EPHA5: variants seen among roughly 807,000 people sequenced by gnomAD.
EPHA5 encodes EPH receptor A5.
EPHA5 carries 60 observed loss-of-function variants against 105.0 expected under a neutral mutation model. The ratio of observed to expected loss-of-function variants is 0.57; its 90% CI spans 0.46 to 0.71. The LOEUF is 0.71. Among genes scored for constraint, EPHA5 ranks in the 30% least tolerant of loss-of-function variants. The probability of loss-of-function intolerance (pLI) is 0.00; values close to 1 mark genes in which losing one functional copy is unlikely to be tolerated. For synonymous variants in EPHA5, 513 were observed against 449.1 expected, an observed-to-expected ratio of 1.14 and a Z score of -1.80; for missense variants, 1,218 against 1,274.7, an observed-to-expected ratio of 0.96 and a Z score of 0.68.
rs1227195419 is a variant in EPHA5, at chr4:65,493,205, A to C, written c.1066+2183T>G. Among the ~76,000 whole-genome samples the C allele has an allele frequency of 4.6e-5, 7 of 152,146 alleles. No individual in the cohort carries two copies. The East Asian group carries it at 1.3e-3, about 29-fold the overall frequency. On this transcript the variant is annotated intron_variant, in intron 4 of 16. Coordinates refer to ENST00000613740, the MANE Select transcript of EPHA5 (RefSeq NM_001281766.3). ...AAAGTGGAAGCTCGAACTAACACGCACCTACAAAAAACATATAATAAAATT... is the reference window on the plus strand; with the variant it reads ...AAAGTGGAAGCTCGAACTAACACGCCCCTACAAAAAACATATAATAAAATT...
At chr4:65,629,324 G>T (rs1488226799) in intron 2 of EPHA5, among the ~76,000 whole-genome samples, 2 of 152,144 alleles carry the variant, frequency 1.3e-5, no homozygotes, top group African/African-American at 2.4e-5. Context: ...GATGTTATTA[G>T]TTTTTTGCCT....
chr4:65,476,125 A>AGTGTGTGTGTGTGTGT (rs1472563369), intron 5 of EPHA5, among the ~76,000 whole-genome samples: 7 of 132,340 alleles, frequency 5.3e-5, no homozygotes, highest in African/African-American at 2.0e-4. Context: ...AGAGAGAGAG[A>AGTGTGTGTGTGTGTGT]GAGTGTGTGT....
intron 3 of EPHA5, chr4:65,574,273 T>C (rs1207947950): frequency 6.3e-7 from 1 of 1,588,566 alleles, no homozygotes; most frequent in African/African-American, 1.3e-5. Context: ...CAGGGCTAGT[T>C]GCGATCTGTG....
chr4:65,663,666 TG>T (rs760116217), intron 1 of EPHA5, among the ~76,000 whole-genome samples: 28 of 152,126 alleles, frequency 1.8e-4, no homozygotes, highest in Non-Finnish European at 3.5e-4. Flanking sequence ...TGAAATTAAT[TG>T]ATCAGAATTA....
At chr4:65,429,116 C>T (rs115287815) in intron 5 of EPHA5, among the ~76,000 whole-genome samples, 2,586 of 152,012 alleles carry the variant, frequency 0.017, 30 homozygotes, top group South Asian at 0.042. Context: ...ATCTTAATAA[C>T]CACAATCCCC....
chr4:65,534,012 T>A (rs1230814081), intron 3 of EPHA5, among the ~76,000 whole-genome samples: 1 of 151,822 alleles, frequency 6.6e-6, no homozygotes, highest in African/African-American at 2.4e-5. Flanking sequence ...GAATGAATGA[T>A]CAGATACTCT....
At chr4:65,419,223 T>C (rs1723703522) in intron 6 of EPHA5, among the ~76,000 whole-genome samples, 1 of 151,936 alleles carries the variant, frequency 6.6e-6, no homozygotes, top group African/African-American at 2.4e-5. Flanking sequence ...TGTATATATA[T>C]AGTTGCACTT....
chr4:65,356,576 G>T (rs781609268), intron 11 of EPHA5, among the ~76,000 whole-genome samples: 1 of 151,484 alleles, frequency 6.6e-6, no homozygotes, highest in Non-Finnish European at 1.5e-5. Flanking sequence ...AATTATTTAT[G>T]ACAGTGTAGG....
intron 3 of EPHA5, 151 bp from the exon 4 acceptor site, chr4:65,495,694 A>C (rs1011614684): frequency 1.7e-6 from 1 of 573,550 alleles, no homozygotes; most frequent in Non-Finnish European, 3.0e-6. Flanking sequence ...CTTCTGGATC[A>C]TAAATACCAG....
chr4:65,609,641 G>GTT (rs71205395), intron 2 of EPHA5, among the ~76,000 whole-genome samples: 4 of 144,260 alleles, frequency 2.8e-5, no homozygotes, highest in Admixed American at 1.4e-4. Context: ...AAAAAAATCA[G>GTT]TTTTTTTTTT....
intron 13 of EPHA5, among the ~76,000 whole-genome samples, chr4:65,351,138 A>AT (rs141580850): frequency 0.082 from 12,533 of 151,938 alleles, 597 homozygotes; most frequent in Middle Eastern, 0.14. Context: ...CTGAAGTAAG[A>AT]TTTTTTATTT....
intron 2 of EPHA5, among the ~76,000 whole-genome samples, chr4:65,626,451 T>C (rs929290999): frequency 1.3e-5 from 2 of 152,188 alleles, no homozygotes; most frequent in African/African-American, 2.4e-5. Flanking sequence ...AAATTCAGAG[T>C]TCAAATTTCA....
In EPHA5 at chr4:65,556,931, A is replaced by G. The variant is rs77199024; in HGVS notation, c.910+44710T>C. Among the ~76,000 whole-genome samples the G allele has an allele frequency of 7.9e-3, 1,197 of 152,038 alleles. 15 individuals are homozygous for G. The highest frequency in any genetic ancestry group is 0.027 in the African/African-American group (1,114 of 41,504). On this transcript the variant is annotated intron_variant, in intron 3 of 16. Coordinates refer to ENST00000613740, the MANE Select transcript of EPHA5 (RefSeq NM_001281766.3). ...GTTCTAAATTCACGGAATGTTGCAA[A>G]CTCATGGAATGAGTTTTCCTTCACT...
At chr4:65,535,804 A>T (rs991983313) in intron 3 of EPHA5, among the ~76,000 whole-genome samples, 1 of 152,032 alleles carries the variant, frequency 6.6e-6, no homozygotes, top group African/African-American at 2.4e-5. Flanking sequence ...GGAAAAACTG[A>T]ACTGGAAGTG....
intron 8 of EPHA5, among the ~76,000 whole-genome samples, chr4:65,385,602 A>T (rs1720000716): frequency 6.6e-6 from 1 of 151,870 alleles, no homozygotes; most frequent in Admixed American, 6.6e-5. Context: ...CACATATTAT[A>T]ATAGTTGCCA....
chr4:65,481,271 A>G (rs1730336422), intron 5 of EPHA5, among the ~76,000 whole-genome samples: 1 of 152,334 alleles, frequency 6.6e-6, no homozygotes, highest in East Asian at 1.9e-4. Flanking sequence ...TGACATAGCT[A>G]TACATCAAAA....
chr4:65,574,709 C>CATATATATATACATATATATACATAT (rs1350359351), intron 3 of EPHA5, among the ~76,000 whole-genome samples: 2 of 67,780 alleles, frequency 3.0e-5, no homozygotes, highest in African/African-American at 5.1e-5. Context: ...CATATATATA[C>CATATATATATACATATATATACATAT]ATATATATAT....
chr4:65,398,111 C>A (rs4276333), intron 8 of EPHA5, among the ~76,000 whole-genome samples: 14,490 of 152,198 alleles, frequency 0.095, 1,290 homozygotes, highest in African/African-American at 0.23. Flanking sequence ...AGGAACCAAG[C>A]ATTCTTGTGC....
rs1408484451 is a variant in EPHA5, at chr4:65,573,576, G to A, written c.910+28065C>T. 1.3e-5 allele frequency: 21 copies of A among 1,598,418 alleles called. No individual in the cohort carries two copies. The East Asian group carries it at 4.0e-4, about 31-fold the overall frequency. ...CCTCAAAGCTAAAAAGCCCAAGAAG[G>A]GGAAGCCCCGTTGCAGCCGCAACCC... On this transcript the variant is annotated intron_variant, in intron 3 of 16. Transcript: ENST00000613740.
Sources: gnomAD v4.1 joint callset for allele counts (sites outside exome capture counted in the v4.1 genomes callset) on GRCh38, gnomAD v4.1.1 for gene constraint, MANE v1.5 for transcripts, NCBI Gene and HGNC (gene_info 2026-07-23, HGNC 2026-07-21) for gene names.